The following CDK14 variants were observed in gnomAD, a reference collection of about 807,000 sequenced individuals.
CDK14 encodes the protein cyclin-dependent kinase 14.
CDK14 carries 34 observed loss-of-function variants against 60.7 expected under a neutral mutation model. The observed-to-expected ratio is 0.56, with a 90% CI of 0.43 to 0.75. CDK14 has a LOEUF of 0.75. Among genes scored for constraint, CDK14 ranks in the 30% least tolerant of loss-of-function variants. The pLI is 0.00. For synonymous variants in CDK14, 197 were observed against 203.7 expected, an observed-to-expected ratio of 0.97 and a Z score of 0.28; for missense variants, 482 against 564.1, an observed-to-expected ratio of 0.85 and a Z score of 1.47.
At chr7:90,692,399 A>C (rs1400345854) in intron 2 of CDK14, among the ~76,000 whole-genome samples, 1 of 152,190 alleles carries the variant, frequency 6.6e-6, no homozygotes, top group Admixed American at 6.5e-5. Context: ...TATTTTTGAA[A>C]TTCTGTTTTT....
At chr7:90,629,038 G>A (rs1237559758) in intron 2 of CDK14, among the ~76,000 whole-genome samples, 1 of 151,970 alleles carries the variant, frequency 6.6e-6, no homozygotes, top group Non-Finnish European at 1.5e-5. Context: ...AAAAAATGTA[G>A]TGAGGTTTTC....
chr7:90,605,663 T>A (rs942272348), intron 2 of CDK14, among the ~76,000 whole-genome samples: 3 of 152,062 alleles, frequency 2.0e-5, no homozygotes, highest in African/African-American at 7.2e-5. Flanking sequence ...AAGAGAGAAA[T>A]AAGGAAAAGG....
chr7:91,057,089 G>A (rs562370256), intron 11 of CDK14, among the ~76,000 whole-genome samples: 10 of 152,112 alleles, frequency 6.6e-5, no homozygotes, highest in South Asian at 2.1e-4. Context: ...TGACTTTTTA[G>A]TGATTGCCAT....
Position 90,659,060 on chromosome 7 carries a change from G to A in CDK14, c.123+54811G>A, listed in dbSNP as rs530680192. 3.3e-5 allele frequency among the ~76,000 whole-genome samples: 5 copies of A among 152,192 alleles called. No individual in the cohort carries two copies. The East Asian group carries it at 9.7e-4, about 29-fold the overall frequency. ...AAAAAATGACTAATACTTGTTTTTG[G>A]ATTTTGGGGCATAGTGTTAAAAACA... On this transcript the variant is annotated intron_variant, in intron 2 of 14. Coordinates refer to ENST00000380050, the MANE Select transcript of CDK14 (RefSeq NM_001287135.2).
chr7:90,761,567 T>C (rs1804311649), intron 4 of CDK14, among the ~76,000 whole-genome samples: 1 of 152,142 alleles, frequency 6.6e-6, no homozygotes, highest in African/African-American at 2.4e-5. Flanking sequence ...TCTAAACCAG[T>C]GGTTCTCAAC....
intron 2 of CDK14, among the ~76,000 whole-genome samples, chr7:90,657,271 A>G (rs1800771376): frequency 6.6e-6 from 1 of 152,214 alleles, no homozygotes; most frequent in Non-Finnish European, 1.5e-5. Context: ...AGGACTTTGA[A>G]TACAGTTTGA....
At chr7:90,628,533 A>G (rs1235465172) in intron 2 of CDK14, among the ~76,000 whole-genome samples, 1 of 152,090 alleles carries the variant, frequency 6.6e-6, no homozygotes, top group African/African-American at 2.4e-5. Flanking sequence ...GTTAAGATGA[A>G]ATTTGGGCCA....
intron 10 of CDK14, among the ~76,000 whole-genome samples, chr7:91,037,267 C>T (rs35640892): frequency 0.14 from 20,639 of 152,192 alleles, 1,522 homozygotes; most frequent in Middle Eastern, 0.17. Context: ...TTCTATTTCA[C>T]GTCATCTGAA....
At chr7:91,204,388 A>G (rs1802818434) in intron 14 of CDK14, among the ~76,000 whole-genome samples, 1 of 151,506 alleles carries the variant, frequency 6.6e-6, no homozygotes, top group Non-Finnish European at 1.5e-5. Context: ...TAGATATAAC[A>G]CCAAAAATAT....
chr7:90,700,575 A>G (rs1801762355), intron 2 of CDK14, among the ~76,000 whole-genome samples: 1 of 152,142 alleles, frequency 6.6e-6, no homozygotes, highest in Non-Finnish European at 1.5e-5. Context: ...TGATATTACA[A>G]AAGTTCTTTG....
At chr7:91,058,887 C>A (rs929436372) in intron 11 of CDK14, among the ~76,000 whole-genome samples, 2 of 152,018 alleles carry the variant, frequency 1.3e-5, no homozygotes, top group African/African-American at 4.8e-5. Flanking sequence ...TGTCTCTGCC[C>A]GGCTTTGGTA....
At chr7:90,749,272 G>T (rs1025341004) in intron 4 of CDK14, among the ~76,000 whole-genome samples, 1 of 148,152 alleles carries the variant, frequency 6.7e-6, no homozygotes, top group Non-Finnish European at 1.5e-5. Flanking sequence ...CTTCTGTCCA[G>T]AGATCCTGGT....
chr7:91,091,507 A>ATATATG (rs1798824362), intron 12 of CDK14, among the ~76,000 whole-genome samples: 3 of 137,456 alleles, frequency 2.2e-5, no homozygotes, highest in South Asian at 2.1e-4. Context: ...TATTTTATAT[A>ATATATG]TATATATATA....
intron 5 of CDK14, among the ~76,000 whole-genome samples, chr7:90,833,639 C>G (rs1789989884): frequency 6.6e-6 from 1 of 152,054 alleles, no homozygotes; most frequent in Non-Finnish European, 1.5e-5. Flanking sequence ...GGTTGGTATC[C>G]TTGATTTATT....
At chr7:90,844,955 C>T (rs1433998184) in intron 5 of CDK14, among the ~76,000 whole-genome samples, 2 of 152,098 alleles carry the variant, frequency 1.3e-5, no homozygotes, top group Non-Finnish European at 2.9e-5. Flanking sequence ...TTAGGTTAGT[C>T]ACAAGATGGC....
intron 2 of CDK14, among the ~76,000 whole-genome samples, chr7:90,637,578 G>T (rs1347651556): frequency 2.0e-5 from 3 of 151,926 alleles, no homozygotes; most frequent in Admixed American, 6.6e-5. Flanking sequence ...TTTGGAATAG[G>T]TGTGGTGTGG....
intron 8 of CDK14, among the ~76,000 whole-genome samples, chr7:90,918,783 A>G (rs1793158456): frequency 6.6e-6 from 1 of 152,168 alleles, no homozygotes. Context: ...GGAAATGTTT[A>G]TTTATTTCAA....
At chr7:90,709,278 A>T in intron 2 of CDK14, 1 of 541,422 alleles carries the variant, frequency 1.8e-6, no homozygotes. Flanking sequence ...AGCATGCATG[A>T]TGGTGGCTGA....
intron 10 of CDK14, among the ~76,000 whole-genome samples, chr7:91,030,203 A>C (rs1796723373): frequency 6.6e-6 from 1 of 152,226 alleles, no homozygotes; most frequent in South Asian, 2.1e-4. Context: ...AATGTAGTAC[A>C]TTTTTATAGA....
Sources: allele counts gnomAD v4.1 joint callset (sites outside exome capture counted in the v4.1 genomes callset), GRCh38; gene constraint gnomAD v4.1.1; transcripts MANE v1.5; gene names NCBI Gene and HGNC (gene_info 2026-07-23, HGNC 2026-07-21).